Variants in SMOC2 observed in about 807,000 individuals in gnomAD.
The protein encoded by SMOC2 is SPARC-related modular calcium-binding protein 2.
In SMOC2, 39 loss-of-function variants were observed where a neutral mutation model predicts 61.4. The observed-to-expected ratio is 0.64, with a 90% confidence interval of 0.49 to 0.83. The LOEUF is 0.83. SMOC2 is among the 40% of genes least tolerant of loss of function. The pLI is 0.00. For missense variants in SMOC2, 556 were observed against 592.9 expected (o/e 0.94, Z 0.65); for synonymous variants, 247 against 239.9 (o/e 1.03, Z -0.27).
intron 7 of SMOC2, among the ~76,000 whole-genome samples, chr6:168,549,441 A>T (rs1405399964): frequency 6.6e-6 from 1 of 152,204 alleles, no homozygotes; most frequent in African/African-American, 2.4e-5. Context: ...TTTGTATGTT[A>T]TATGTATTAT....
rs1784349989 is a variant in SMOC2, at chr6:168,559,682, C to CA, written c.637+10480dup. Among the ~76,000 whole-genome samples the CA allele has an allele frequency of 2.0e-5, 3 of 152,066 alleles. 1 individual carries two copies. In the South Asian group the frequency reaches 6.2e-4, roughly 32 times the overall value. ...GCTCATCTGCCAGCCAAGGTGCACCCACCAACGGCGTTTCCTTCAACCGCA... is the reference window on the plus strand; with the variant it reads ...GCTCATCTGCCAGCCAAGGTGCACCCAACCAACGGCGTTTCCTTCAACCGCA... On this transcript the variant is annotated intron_variant, in intron 7 of 12. Transcript: ENST00000356284.
chr6:168,543,958 G>A (rs1350325293), intron 5 of SMOC2, among the ~76,000 whole-genome samples: 1 of 152,104 alleles, frequency 6.6e-6, no homozygotes, highest in Non-Finnish European at 1.5e-5. Flanking sequence ...CTGTGACTGT[G>A]GAGAGGGCTG....
At chr6:168,515,054 T>G (rs1253569983) in intron 2 of SMOC2, among the ~76,000 whole-genome samples, 2 of 152,228 alleles carry the variant, frequency 1.3e-5, no homozygotes, top group Non-Finnish European at 2.9e-5. Flanking sequence ...ACAGATGTCC[T>G]TTTTGGTAAT....
intron 1 of SMOC2, among the ~76,000 whole-genome samples, chr6:168,441,974 G>A (rs1211900439): frequency 6.6e-6 from 1 of 152,232 alleles, no homozygotes; most frequent in African/African-American, 2.4e-5. Flanking sequence ...TCTCCCGACC[G>A]CTTTGGGCTC....
In SMOC2 at chr6:168,526,343, C is replaced by A. The variant is rs1051666220; in HGVS notation, c.257-3C>A. On this transcript the variant is annotated splice_polypyrimidine_tract_variant and splice_region_variant and intron_variant, in intron 2 of 12. Transcript: ENST00000356284. ...CACACCTCTGCCCTGTTCTTCCCTACAGACGTGTCCAGGTGTGTGGCCGAA... is the reference window on the plus strand; with the variant it reads ...CACACCTCTGCCCTGTTCTTCCCTAAAGACGTGTCCAGGTGTGTGGCCGAA... 2.4e-5 allele frequency: 38 copies of A among 1,613,574 alleles called. No individual in the cohort carries two copies. Among genetic ancestry groups the A allele is most frequent in the Non-Finnish European group, 3.2e-5 (38 of 1,179,432 alleles).
intron 11 of SMOC2, among the ~76,000 whole-genome samples, chr6:168,656,989 T>C (rs1254879030): frequency 6.6e-6 from 1 of 152,220 alleles, no homozygotes; most frequent in Non-Finnish European, 1.5e-5. Flanking sequence ...ATGTTCAATG[T>C]TCTGTCTCCA....
chr6:168,524,157 C>T (rs1190134401), intron 2 of SMOC2, among the ~76,000 whole-genome samples: 3 of 152,028 alleles, frequency 2.0e-5, no homozygotes, highest in East Asian at 1.9e-4. Context: ...TGGACCTTGT[C>T]GGATGCTGGT....
chr6:168,565,385 C>T (rs958555027), intron 7 of SMOC2, among the ~76,000 whole-genome samples: 4 of 152,082 alleles, frequency 2.6e-5, no homozygotes, highest in African/African-American at 7.2e-5. Context: ...GTCTTCTCTC[C>T]GTGGTCTTCC....
chr6:168,599,197 CA>C (rs1296853865), intron 8 of SMOC2, among the ~76,000 whole-genome samples, 193 bp downstream of exon 8: 7 of 114,866 alleles, frequency 6.1e-5, no homozygotes, highest in African/African-American at 1.4e-4. Flanking sequence ...ACACTCATAC[CA>C]CACACACACT....
chr6:168,522,789 G>A (rs1246702681), intron 2 of SMOC2, among the ~76,000 whole-genome samples: 3 of 152,172 alleles, frequency 2.0e-5, no homozygotes, highest in African/African-American at 7.2e-5. Context: ...CAGGCTAAGT[G>A]GAGGAAGCCA....
At chr6:168,622,182 G>A (rs1486061741) in intron 9 of SMOC2, among the ~76,000 whole-genome samples, 2 of 152,038 alleles carry the variant, frequency 1.3e-5, no homozygotes, top group African/African-American at 4.8e-5. Flanking sequence ...TAGCCAGGAT[G>A]GTCTCGATCT....
intron 9 of SMOC2, among the ~76,000 whole-genome samples, chr6:168,636,369 T>A (rs921271590): frequency 6.6e-6 from 1 of 152,234 alleles, no homozygotes; most frequent in Non-Finnish European, 1.5e-5. Context: ...TCAGGAGCCA[T>A]ATAGTACAAT....
intron 4 of SMOC2, among the ~76,000 whole-genome samples, chr6:168,542,922 A>T (rs1000741869): frequency 2.0e-5 from 3 of 152,236 alleles, no homozygotes. Context: ...TTTACTGGGC[A>T]TGTGTATGGC....
At chr6:168,664,713 TC>T in intron 12 of SMOC2, 1 of 471,092 alleles carries the variant, frequency 2.1e-6, no homozygotes, top group African/African-American at 2.0e-5. Context: ...TTTCTGGCTC[TC>T]CCTCTCAATT....
chr6:168,479,826 C>T (rs865988507), intron 1 of SMOC2, among the ~76,000 whole-genome samples: 1 of 152,184 alleles, frequency 6.6e-6, no homozygotes, highest in Non-Finnish European at 1.5e-5. Context: ...ACCCTTGCCT[C>T]CCACCTCCAC....
chr6:168,587,083 G>A (rs976388678), intron 7 of SMOC2, among the ~76,000 whole-genome samples: 4 of 152,184 alleles, frequency 2.6e-5, no homozygotes, highest in Non-Finnish European at 5.9e-5. Flanking sequence ...CTTGTCTAAA[G>A]ACTGATAGTT....
intron 8 of SMOC2, among the ~76,000 whole-genome samples, chr6:168,602,572 G>T (rs1481300031): frequency 6.6e-6 from 1 of 152,206 alleles, no homozygotes; most frequent in African/African-American, 2.4e-5. Flanking sequence ...GGGACCTGTT[G>T]TGGTTCCTTT....
intron 7 of SMOC2, among the ~76,000 whole-genome samples, chr6:168,576,471 C>T (rs1205590775): frequency 6.6e-6 from 1 of 152,090 alleles, no homozygotes; most frequent in Non-Finnish European, 1.5e-5. Context: ...GGCCAGAGAA[C>T]ACCTTAGCAG....
intron 9 of SMOC2, among the ~76,000 whole-genome samples, chr6:168,619,742 C>A (rs1400363025): frequency 6.6e-6 from 1 of 152,184 alleles, no homozygotes; most frequent in Non-Finnish European, 1.5e-5. Context: ...CCTTCTTTCT[C>A]AGAGGCTGTG....
Sources: gnomAD v4.1 joint callset for allele counts (sites outside exome capture counted in the v4.1 genomes callset) on GRCh38, gnomAD v4.1.1 for gene constraint, MANE v1.5 for transcripts, NCBI Gene and HGNC (gene_info 2026-07-23, HGNC 2026-07-21) for gene names.